FTO: variants seen among roughly 807,000 people sequenced by gnomAD.
FTO encodes the protein FTO alpha-ketoglutarate dependent dioxygenase.
A neutral mutation model predicts 63.9 loss-of-function variants in FTO; 47 were observed. The ratio of observed to expected loss-of-function variants is 0.74; its 90% CI spans 0.58 to 0.94. The LOEUF is 0.94. FTO is among the 40% of genes least tolerant of loss of function. The pLI is 0.00. For missense variants in FTO, 562 were observed against 618.1 expected (o/e 0.91, Z 0.96); for synonymous variants, 207 against 224.4 (o/e 0.92, Z 0.69).
At chr16:53,886,214 G>A (rs2080992320) in intron 6 of FTO, among the ~76,000 whole-genome samples, 1 of 152,132 alleles carries the variant, frequency 6.6e-6, no homozygotes, top group African/African-American at 2.4e-5. Context: ...CTGAAATCCA[G>A]TTTCTAGTGT....
rs17817449 is a variant in FTO at position 53,779,455 on chromosome 16, T to G, written c.46-30685T>G. On this transcript the variant is annotated intron_variant, in intron 1 of 8. Coordinates refer to ENST00000471389, the MANE Select transcript of FTO (RefSeq NM_001080432.3). ...GTGTTTCAGCTTGGCACACAGAAAC[T>G]GTTTTAATTTAACAGTCCAGCTCCT... Among the ~76,000 whole-genome samples the G allele has an allele frequency of 0.38, 58,367 of 152,026 alleles. 11,497 individuals carry two copies. Among genetic ancestry groups the G allele is most frequent in the Non-Finnish European group, 0.41 (27,722 of 67,946 alleles).
chr16:53,971,004 C>T (rs187674694), intron 8 of FTO, among the ~76,000 whole-genome samples: 40 of 152,112 alleles, frequency 2.6e-4, no homozygotes, highest in African/African-American at 9.4e-4. Flanking sequence ...AGATGTTTCC[C>T]TTTGGGTCTT....
chr16:54,022,799 C>G (rs2084630789), intron 8 of FTO, among the ~76,000 whole-genome samples: 1 of 152,226 alleles, frequency 6.6e-6, no homozygotes, highest in Non-Finnish European at 1.5e-5. Context: ...AAGATAATTG[C>G]AACGAATTGT....
intron 8 of FTO, among the ~76,000 whole-genome samples, chr16:54,050,060 G>A (rs2085278115): frequency 6.6e-6 from 1 of 152,198 alleles, no homozygotes; most frequent in Non-Finnish European, 1.5e-5. Flanking sequence ...GAGTAACTGA[G>A]TGGGGGCCTG....
chr16:53,760,534 C>CTGAGCCTCATCTGCTCTTATCTTT (rs2077040878), intron 1 of FTO, among the ~76,000 whole-genome samples: 1 of 151,864 alleles, frequency 6.6e-6, no homozygotes, highest in African/African-American at 2.4e-5. Flanking sequence ...GCGTGAGCCA[C>CTGAGCCTCATCTGCTCTTATCTTT]CACACCTGGC....
intron 8 of FTO, among the ~76,000 whole-genome samples, chr16:54,106,517 TTTA>T (rs1233280362): frequency 1.4e-5 from 2 of 141,720 alleles, no homozygotes; most frequent in Non-Finnish European, 3.1e-5. Flanking sequence ...ATTATATGTA[TTTA>T]TTATATAATT....
rs2079078223 is a variant in FTO at position 53,828,981 on chromosome 16, C to G, written c.751+2490C>G. ...TCTCGGCTCACTGCAACCTCCGCCTCCTGGGTTCAAGTGATTCTCCTGCCT... is the reference window on the plus strand; with the variant it reads ...TCTCGGCTCACTGCAACCTCCGCCTGCTGGGTTCAAGTGATTCTCCTGCCT... On this transcript the variant is annotated intron_variant, in intron 3 of 8. Coordinates refer to ENST00000471389, the MANE Select transcript of FTO (RefSeq NM_001080432.3). Among the ~76,000 whole-genome samples, 5 of 152,186 alleles carry G rather than the reference C, an allele frequency of 3.3e-5. No individual in the cohort carries two copies. In the South Asian group the frequency reaches 1.0e-3, roughly 32 times the overall value.
At chr16:53,896,889 AG>A (rs2081291107) in intron 7 of FTO, among the ~76,000 whole-genome samples, 1 of 152,156 alleles carries the variant, frequency 6.6e-6, no homozygotes, top group African/African-American at 2.4e-5. Context: ...ATACTTTGAG[AG>A]GCTGGGCTGG....
At chr16:53,877,130 T>C (rs1224442404) in intron 5 of FTO, among the ~76,000 whole-genome samples, 3 of 152,188 alleles carry the variant, frequency 2.0e-5, no homozygotes, top group African/African-American at 7.2e-5. Context: ...CCAGAGGGAA[T>C]GGACAGTGGT....
chr16:53,974,937 T>G (rs2083402279), intron 8 of FTO, among the ~76,000 whole-genome samples: 1 of 152,162 alleles, frequency 6.6e-6, no homozygotes, highest in Admixed American at 6.5e-5. Context: ...CAGAGAAGAT[T>G]GTGTAATAAT....
At position 54,121,051 on chromosome 16, in the gene FTO, C is replaced by G. The variant is rs1004315152; in HGVS notation, c.*9136C>G. 6.6e-6 allele frequency: 1 copy of G among 152,492 alleles called. No homozygotes were observed. The highest frequency in any genetic ancestry group is 1.5e-5 in the Non-Finnish European group (1 of 68,036). The allele number at this position is 152,492 out of a possible 1,614,324, so 9.4% of individuals were successfully genotyped here. A position where few individuals can be genotyped will look rare whatever the true frequency, so the allele number is the denominator to read the frequency against. ...AGCCAAATCTGGCCCATCCCCTGTT[C>G]TTATAAAGTTTTATTGGAACGCAGC... On this transcript the variant is annotated 3_prime_UTR_variant, in exon 9 of 9. Transcript: ENST00000471389.
At chr16:54,021,791 G>A (rs886607262) in intron 8 of FTO, among the ~76,000 whole-genome samples, 5 of 152,070 alleles carry the variant, frequency 3.3e-5, no homozygotes, top group Non-Finnish European at 7.4e-5. Context: ...CCTGGCTTGG[G>A]TGGTGTGATT....
chr16:53,843,444 T>C (rs966114801), intron 3 of FTO, among the ~76,000 whole-genome samples: 1 of 152,246 alleles, frequency 6.6e-6, no homozygotes, highest in Non-Finnish European at 1.5e-5. Context: ...ATTTCTTTTA[T>C]GTGAATAAAT....
chr16:53,940,525 C>T (rs1447680211), intron 8 of FTO, among the ~76,000 whole-genome samples: 1 of 152,146 alleles, frequency 6.6e-6, no homozygotes, highest in Admixed American at 6.5e-5. Context: ...CTACCATTCT[C>T]TTACATTTCA....
At chr16:53,747,254 A>G (rs1194708741) in intron 1 of FTO, among the ~76,000 whole-genome samples, 2 of 152,122 alleles carry the variant, frequency 1.3e-5, no homozygotes, top group Admixed American at 6.5e-5. Context: ...TGGTAATTCT[A>G]TTGTTAGTTT....
chr16:54,028,863 T>C (rs1209635166), intron 8 of FTO, among the ~76,000 whole-genome samples: 1 of 152,148 alleles, frequency 6.6e-6, no homozygotes, highest in African/African-American at 2.4e-5. Flanking sequence ...TACATTGTTA[T>C]TAGTATAAAG....
rs1230174514 is a variant in FTO at position 53,704,205 on chromosome 16, C to A, written c.21C>A (p.Ala7=). The change falls in exon 1 of 9, where the codon GCC becomes GCA. Residue 7 remains alanine, a synonymous_variant. Coordinates refer to ENST00000471389, the MANE Select transcript of FTO (RefSeq NM_001080432.3). MKRTPT[A]EEREREAKKL... is the part of the protein sequence containing the mutation. Reference sequence around the variant, plus strand: ...GCAGCATGAAGCGCACCCCGACTGCCGAGGAACGAGAGCGCGAAGCTAAGG... The same window carrying A: ...GCAGCATGAAGCGCACCCCGACTGCAGAGGAACGAGAGCGCGAAGCTAAGG... The A allele has an allele frequency of 1.4e-5, 22 of 1,551,340 alleles. No individual in the cohort carries two copies. Among genetic ancestry groups the A allele is most frequent in the Admixed American group, 7.8e-5 (4 of 50,984 alleles).
intron 8 of FTO, among the ~76,000 whole-genome samples, chr16:53,956,394 G>A (rs1021450404): frequency 6.6e-6 from 1 of 152,018 alleles, no homozygotes; most frequent in Admixed American, 6.5e-5. Context: ...GTCTTTGGGA[G>A]AAAATTCTCC....
chr16:53,808,408 A>G (rs2078428286), intron 1 of FTO, among the ~76,000 whole-genome samples: 1 of 152,218 alleles, frequency 6.6e-6, no homozygotes, highest in African/African-American at 2.4e-5. Flanking sequence ...ACCTATAGTC[A>G]AAACAAAGGC....
Sources: allele counts gnomAD v4.1 joint callset (sites outside exome capture counted in the v4.1 genomes callset), GRCh38; gene constraint gnomAD v4.1.1; transcripts MANE v1.5; gene names NCBI Gene and HGNC (gene_info 2026-07-23, HGNC 2026-07-21).